Variants in ADAM12 observed in about 807,000 individuals in gnomAD.
ADAM12 encodes ADAM metallopeptidase domain 12.
In ADAM12, 70 loss-of-function variants were observed where a neutral mutation model predicts 106.4. The ratio of observed to expected loss-of-function variants is 0.66; its 90% CI spans 0.54 to 0.80. The LOEUF (loss-of-function observed/expected upper bound fraction) is 0.80, where lower values mean the gene tolerates loss of function less well. Among genes scored for constraint, ADAM12 ranks in the 30% least tolerant of loss-of-function variants. The pLI is 0.00. For synonymous variants in ADAM12, 420 were observed against 433.5 expected, an observed-to-expected ratio of 0.97 and a Z score of 0.39; for missense variants, 1,010 against 1,171.9, an observed-to-expected ratio of 0.86 and a Z score of 2.02.
intron 20 of ADAM12, 125 bp from the exon 21 acceptor site, chr10:126,036,450 T>G: frequency 1.1e-6 from 1 of 903,390 alleles, no homozygotes; most frequent in Non-Finnish European, 1.6e-6. Flanking sequence ...AGGAAAGAAA[T>G]CAAGGATGTA....
At chr10:126,025,352 C>G (rs575044100) in intron 21 of ADAM12, among the ~76,000 whole-genome samples, 13 of 152,308 alleles carry the variant, frequency 8.5e-5, no homozygotes, top group African/African-American at 2.9e-4. Flanking sequence ...AGGAACATAA[C>G]TGGCCTGTTA....
At position 126,388,284 on chromosome 10, in the gene ADAM12, A is replaced by G. The variant is rs1490371704; in HGVS notation, c.-139T>C. On this transcript the variant is annotated 5_prime_UTR_variant, in exon 1 of 23. Transcript: ENST00000448723. This position sits in a 1 kb window ranked among gnomAD's most constrained non-coding sequence, Gnocchi z 4.4. The stretch of plus-strand genomic sequence containing the variant: ...CGAGTCAGCTCCGGAGCCCTCGCGC[A>G]GCGCCCGCGCCGCCGCTGAGCTCTT... 1.2e-4 allele frequency: 136 copies of G among 1,141,582 alleles called. No individual in the cohort carries two copies. Among genetic ancestry groups the G allele is most frequent in the Non-Finnish European group, 1.4e-4 (133 of 920,072 alleles). The allele number at this position is 1,141,582 out of a possible 1,614,324, so 70.7% of individuals were successfully genotyped here. A position where few individuals can be genotyped will look rare whatever the true frequency, so the allele number is the denominator to read the frequency against.
chr10:126,125,815 G>A lies in ADAM12; in HGVS notation c.417-7591C>T, dbSNP rs559533050. On this transcript the variant is annotated intron_variant, in intron 5 of 22. Coordinates refer to ENST00000448723, the MANE Select transcript of ADAM12 (RefSeq NM_001288973.2). ...GACTAGGGTGGGCCATAAATCTAAC[G>A]ACACATGTCCTTAGAAGAGACCGAA... Among the ~76,000 whole-genome samples, 5 of 151,748 alleles carry A rather than the reference G, an allele frequency of 3.3e-5. No homozygotes were observed. The East Asian group carries it at 5.9e-4, about 18-fold the overall frequency.
At chr10:126,315,816 G>A (rs550939862) in intron 2 of ADAM12, among the ~76,000 whole-genome samples, 35 of 152,230 alleles carry the variant, frequency 2.3e-4, no homozygotes, top group African/African-American at 6.3e-4. Context: ...CATGAAAATC[G>A]CAGGACAGCA....
At chr10:126,051,589 C>G (rs1954498564) in intron 14 of ADAM12, among the ~76,000 whole-genome samples, 1 of 128,714 alleles carries the variant, frequency 7.8e-6, no homozygotes, top group Non-Finnish European at 1.7e-5. Flanking sequence ...ATCCATCCAT[C>G]CAGCCAGCCA....
chr10:126,240,338 C>T (rs892393388), intron 3 of ADAM12, among the ~76,000 whole-genome samples: 5 of 152,342 alleles, frequency 3.3e-5, no homozygotes, highest in South Asian at 2.1e-4. Flanking sequence ...CCCCTAAGAG[C>T]GTGACAGAAG....
chr10:126,179,336 G>A (rs1049042882), intron 3 of ADAM12, among the ~76,000 whole-genome samples: 5 of 152,196 alleles, frequency 3.3e-5, no homozygotes, highest in African/African-American at 1.2e-4. Context: ...TTGCAATCAA[G>A]TCATCCCACA....
intron 4 of ADAM12, among the ~76,000 whole-genome samples, chr10:126,148,133 G>A (rs1164627615): frequency 7.5e-6 from 1 of 133,992 alleles, no homozygotes; most frequent in Non-Finnish European, 1.7e-5. Flanking sequence ...CAGGACAGTC[G>A]AGAGAAAAGA....
intron 14 of ADAM12, among the ~76,000 whole-genome samples, chr10:126,063,050 C>A (rs1273584525): frequency 6.6e-6 from 1 of 152,256 alleles, no homozygotes; most frequent in Non-Finnish European, 1.5e-5. Flanking sequence ...GTGTCCCCCA[C>A]TGCTCCTGCC....
chr10:126,037,371 C>T (rs1286327564), intron 20 of ADAM12, among the ~76,000 whole-genome samples: 5 of 150,842 alleles, frequency 3.3e-5, no homozygotes, highest in Admixed American at 6.6e-5. Context: ...GCCGTTCTCG[C>T]TTATGGTTCC....
intron 11 of ADAM12, among the ~76,000 whole-genome samples, chr10:126,086,254 T>C (rs1361799879): frequency 6.6e-6 from 1 of 152,082 alleles, no homozygotes; most frequent in Non-Finnish European, 1.5e-5. Flanking sequence ...AGCCCAGATG[T>C]GTTCACGGCC....
At chr10:126,210,857 T>C (rs1208219201) in intron 3 of ADAM12, among the ~76,000 whole-genome samples, 1 of 152,190 alleles carries the variant, frequency 6.6e-6, no homozygotes, top group Non-Finnish European at 1.5e-5. Flanking sequence ...GACTAGGAAA[T>C]CATGGAAAGG....
intron 1 of ADAM12, among the ~76,000 whole-genome samples, chr10:126,350,436 G>A (rs374258172): frequency 6.6e-6 from 1 of 152,296 alleles, no homozygotes; most frequent in African/African-American, 2.4e-5. Context: ...CTTTGAGAAA[G>A]GGAGGAAGAG....
chr10:126,286,644 A>G (rs1959876010), intron 2 of ADAM12, among the ~76,000 whole-genome samples: 1 of 152,174 alleles, frequency 6.6e-6, no homozygotes, highest in Non-Finnish European at 1.5e-5. Context: ...CACAGCCTGG[A>G]AGATATGCGC....
At chr10:126,095,533 C>CAA (rs11396229) in intron 10 of ADAM12, among the ~76,000 whole-genome samples, 1,263 of 46,318 alleles carry the variant, frequency 0.027, 180 homozygotes, top group East Asian at 0.039. Context: ...GACTCTGTCT[C>CAA]AAAAAAAAAA....
intron 21 of ADAM12, among the ~76,000 whole-genome samples, chr10:126,026,664 A>G (rs1953879530): frequency 6.6e-6 from 1 of 152,224 alleles, no homozygotes; most frequent in Non-Finnish European, 1.5e-5. Flanking sequence ...CCTGCTCCTG[A>G]ATGACTCTTG....
At chr10:126,040,353 T>C (rs1954138677) in intron 18 of ADAM12, among the ~76,000 whole-genome samples, 1 of 152,210 alleles carries the variant, frequency 6.6e-6, no homozygotes, top group South Asian at 2.1e-4. Context: ...GCAACAGTCC[T>C]TTCCGGCTGC....
chr10:126,252,624 T>C lies in ADAM12; in HGVS notation c.260+26291A>G, dbSNP rs188158962. Among the ~76,000 whole-genome samples, 26 of 152,338 alleles carry C rather than the reference T, an allele frequency of 1.7e-4. No individual in the cohort carries two copies. In the East Asian group the frequency reaches 3.9e-3, roughly 23 times the overall value. On this transcript the variant is annotated intron_variant, in intron 3 of 22. Coordinates refer to ENST00000448723, the MANE Select transcript of ADAM12 (RefSeq NM_001288973.2). The stretch of plus-strand genomic sequence containing the variant: ...ATTCACTTTTCCTCTATTTTTGTTC[T>C]ATCCAGGCCCTCAACTGACTGGATG...
intron 8 of ADAM12, among the ~76,000 whole-genome samples, chr10:126,103,674 C>T (rs1590413268): frequency 1.3e-5 from 2 of 152,212 alleles, no homozygotes; most frequent in East Asian, 1.9e-4. Context: ...AGACGGCCCA[C>T]TGTGACCCCA....
Sources: gnomAD v4.1 joint callset for allele counts (sites outside exome capture counted in the v4.1 genomes callset) on GRCh38, gnomAD v4.1.1 for gene constraint, Gnocchi (gnomAD v3.1) non-coding constraint, MANE v1.5 for transcripts, NCBI Gene and HGNC (gene_info 2026-07-23, HGNC 2026-07-21) for gene names.